Variants in KCNN2 observed in about 807,000 individuals in gnomAD.
KCNN2 encodes potassium calcium-activated channel subfamily N member 2, also known as small conductance calcium-activated potassium channel protein 2.
Under a neutral mutation model 55.5 loss-of-function variants are expected in KCNN2, and 24 were observed. That is an observed-to-expected ratio of 0.43 (90% CI 0.31 to 0.61). The LOEUF is 0.61. Among genes scored for constraint, KCNN2 ranks in the 20% least tolerant of loss-of-function variants. The pLI is 0.08. For synonymous variants in KCNN2, 431 were observed against 336.1 expected (o/e 1.28, Z -3.09); for missense variants, 754 against 853.6 (o/e 0.88, Z 1.45).
At chr5:114,417,620 G>A (rs1179250401) in intron 3 of KCNN2, among the ~76,000 whole-genome samples, 2 of 152,272 alleles carry the variant, frequency 1.3e-5, no homozygotes, top group East Asian at 1.9e-4. Context: ...ATAGTTGGGT[G>A]GTAAAAGGGA....
intron 2 of KCNN2, among the ~76,000 whole-genome samples, chr5:114,379,192 TCCACCTGGGGCC>T (rs1758027368): frequency 6.6e-6 from 1 of 151,906 alleles, no homozygotes; most frequent in Non-Finnish European, 1.5e-5. Context: ...GGCACCACTG[TCCACCTGGGGCC>T]CCAGGGAAGA....
chr5:114,243,509 T>C (rs1754685830), intron 2 of KCNN2, among the ~76,000 whole-genome samples: 1 of 152,082 alleles, frequency 6.6e-6, no homozygotes. Context: ...TCTATGCTAC[T>C]GGCCCATTAA....
intron 3 of KCNN2, among the ~76,000 whole-genome samples, chr5:114,444,912 C>T (rs559306244): frequency 6.6e-6 from 1 of 152,106 alleles, no homozygotes; most frequent in Non-Finnish European, 1.5e-5. Flanking sequence ...TCCTTGCACC[C>T]CACATTGCAT....
chr5:114,384,287 A>G (rs1296034186), intron 2 of KCNN2, among the ~76,000 whole-genome samples: 1 of 152,250 alleles, frequency 6.6e-6, no homozygotes, highest in Non-Finnish European at 1.5e-5. Flanking sequence ...TCAATTCACC[A>G]CAGTTGATTT....
intron 2 of KCNN2, among the ~76,000 whole-genome samples, chr5:114,398,108 G>A (rs1758674208): frequency 1.3e-5 from 2 of 151,960 alleles, no homozygotes; most frequent in Admixed American, 6.6e-5. Flanking sequence ...TTTCTAGGTC[G>A]TATGTCCAGA....
intron 2 of KCNN2, among the ~76,000 whole-genome samples, chr5:114,268,487 A>G (rs967510611): frequency 6.6e-6 from 1 of 152,182 alleles, no homozygotes; most frequent in Non-Finnish European, 1.5e-5. Flanking sequence ...TTTCATGGCT[A>G]ATATGAAGCC....
chr5:114,292,085 A>T (rs1009106500), intron 2 of KCNN2, among the ~76,000 whole-genome samples: 1 of 152,062 alleles, frequency 6.6e-6, no homozygotes, highest in African/African-American at 2.4e-5. Flanking sequence ...TAGATTCTGG[A>T]TATTAGCCCT....
At chr5:114,459,701 C>G (rs1392727296) in intron 3 of KCNN2, among the ~76,000 whole-genome samples, 1 of 152,138 alleles carries the variant, frequency 6.6e-6, no homozygotes, top group East Asian at 1.9e-4. Flanking sequence ...ATTTTTAGGG[C>G]AGGTTTATTA....
chr5:114,226,269 G>A (rs773230585), intron 2 of KCNN2, among the ~76,000 whole-genome samples: 3 of 151,916 alleles, frequency 2.0e-5, no homozygotes, highest in African/African-American at 4.8e-5. Flanking sequence ...CATTATATGA[G>A]CATTTTTAGA....
In KCNN2 at chr5:114,078,425, G is replaced by A. The variant is rs146565647; in HGVS notation, c.-271+21925G>A. 4.2e-3 allele frequency among the ~76,000 whole-genome samples: 644 copies of A among 152,184 alleles called. 3 individuals carry two copies. The highest frequency in any genetic ancestry group is 8.1e-3 in the African/African-American group (338 of 41,508). On this transcript the variant is annotated intron_variant, in intron 1 of 10. Coordinates refer to the KCNN2 transcript ENST00000512097. Reference sequence around the variant, plus strand: ...TTCAGGGATTTGGTGTTTATTCAGCGCCTGTCTTGTGTCATCATCGAGTAT... The same window carrying A: ...TTCAGGGATTTGGTGTTTATTCAGCACCTGTCTTGTGTCATCATCGAGTAT...
At chr5:114,386,271 A>G (rs1758283567) in intron 2 of KCNN2, among the ~76,000 whole-genome samples, 1 of 152,122 alleles carries the variant, frequency 6.6e-6, no homozygotes, top group East Asian at 1.9e-4. Flanking sequence ...ATCTTTTCAA[A>G]TGGAATAGTG....
At chr5:114,472,979 A>G in intron 4 of KCNN2, 75 bp from the exon 5 acceptor site, 1 of 833,896 alleles carries the variant, frequency 1.2e-6, no homozygotes, top group Non-Finnish European at 1.8e-6. Flanking sequence ...CATTTGATGC[A>G]AAACATTTTC....
intron 2 of KCNN2, among the ~76,000 whole-genome samples, chr5:114,391,747 T>G (rs1007087433): frequency 6.6e-6 from 1 of 152,186 alleles, no homozygotes; most frequent in Non-Finnish European, 1.5e-5. Context: ...TTAATGAATA[T>G]TAAATTAAAT....
chr5:114,356,387 T>A (rs1757294693), intron 2 of KCNN2, among the ~76,000 whole-genome samples: 1 of 152,208 alleles, frequency 6.6e-6, no homozygotes, highest in South Asian at 2.1e-4. Context: ...GTTGTGTTTC[T>A]AGCTGCCAAA....
chr5:114,157,849 G>A (rs1325168404), intron 1 of KCNN2, among the ~76,000 whole-genome samples: 1 of 149,978 alleles, frequency 6.7e-6, no homozygotes, highest in Non-Finnish European at 1.5e-5. Flanking sequence ...TTTTTGATGG[G>A]GTTTTTTTTT....
chr5:114,125,676 G>C (rs1751916346), intron 1 of KCNN2, among the ~76,000 whole-genome samples: 1 of 152,164 alleles, frequency 6.6e-6, no homozygotes, highest in South Asian at 2.1e-4. Context: ...GATTTACACA[G>C]AGATTTATTT....
At chr5:114,241,789 T>G (rs1754641502) in intron 2 of KCNN2, among the ~76,000 whole-genome samples, 1 of 23,862 alleles carries the variant, frequency 4.2e-5, no homozygotes, top group African/African-American at 2.0e-4. Flanking sequence ...TATACGTATA[T>G]ATATGTATAT....
chr5:114,275,743 C>T (rs1222161640), intron 2 of KCNN2, among the ~76,000 whole-genome samples: 3 of 151,754 alleles, frequency 2.0e-5, no homozygotes, highest in African/African-American at 7.3e-5. Flanking sequence ...ATTAGTCTTC[C>T]TAGCGATCTA....
At chr5:114,411,845 C>G (rs1241011034) in intron 3 of KCNN2, among the ~76,000 whole-genome samples, 1 of 152,176 alleles carries the variant, frequency 6.6e-6, no homozygotes, top group Non-Finnish European at 1.5e-5. Context: ...TAATGCTTTA[C>G]CAGTTCTCTA....
Sources: allele counts gnomAD v4.1 joint callset (sites outside exome capture counted in the v4.1 genomes callset), GRCh38; gene constraint gnomAD v4.1.1; transcripts MANE v1.5; gene names NCBI Gene and HGNC (gene_info 2026-07-23, HGNC 2026-07-21).